The following ZBTB7C variants were observed in gnomAD, a reference collection of about 807,000 sequenced individuals.
The protein encoded by ZBTB7C is zinc finger and BTB domain containing 7C.
ZBTB7C carries 8 observed loss-of-function variants against 25.7 expected under a neutral mutation model. The observed-to-expected ratio is 0.31, with a 90% CI of 0.18 to 0.56. ZBTB7C has a LOEUF of 0.56. Among genes scored for constraint, ZBTB7C ranks in the 20% least tolerant of loss-of-function variants. ZBTB7C has a pLI of 0.91. For synonymous variants in ZBTB7C, 394 were observed against 369.0 expected (o/e 1.07, Z -0.78); for missense variants, 824 against 855.2 (o/e 0.96, Z 0.46).
intron 1 of ZBTB7C, among the ~76,000 whole-genome samples, chr18:48,401,762 C>A (rs2048164333): frequency 6.6e-6 from 1 of 152,168 alleles, no homozygotes; most frequent in South Asian, 2.1e-4. Flanking sequence ...AGGCTCCACC[C>A]ATGCCACCCT....
At chr18:48,090,909 T>C (rs2038386469) in intron 3 of ZBTB7C, among the ~76,000 whole-genome samples, 1 of 152,214 alleles carries the variant, frequency 6.6e-6, no homozygotes, top group Non-Finnish European at 1.5e-5. Flanking sequence ...GGTTATCTCT[T>C]TGTGCAGCTT....
chr18:48,059,292 T>TG (rs2037037786), intron 3 of ZBTB7C, among the ~76,000 whole-genome samples: 1 of 152,104 alleles, frequency 6.6e-6, no homozygotes. Flanking sequence ...TCATGGTTAC[T>TG]GGGGGTTGGG....
rs151221116 is a variant in ZBTB7C, at chr18:48,240,463, A to G, written c.-78-54468T>C. On this transcript the variant is annotated intron_variant, in intron 2 of 4. Transcript: ENST00000590800. The stretch of plus-strand genomic sequence containing the variant: ...GTGAGGCAAAAGCATCAGGTAACCT[A>G]TAAAAGAAAACCTATCAGACTAACT... Among the ~76,000 whole-genome samples, 1,519 of 152,340 alleles carry G rather than the reference A, an allele frequency of 1.0e-2. 24 individuals carry two copies. The highest frequency in any genetic ancestry group is 0.035 in the African/African-American group (1,448 of 41,582).
intron 1 of ZBTB7C, among the ~76,000 whole-genome samples, chr18:48,381,982 A>G (rs549267001): frequency 6.6e-6 from 1 of 152,376 alleles, no homozygotes; most frequent in African/African-American, 2.4e-5. Context: ...CTCCATAGGA[A>G]TGAAAGTCAT....
At chr18:48,309,355 C>A in intron 2 of ZBTB7C, among the ~76,000 whole-genome samples, 1 of 152,224 alleles carries the variant, frequency 6.6e-6, no homozygotes, top group East Asian at 1.9e-4. Flanking sequence ...GAATTACAAT[C>A]TTTTCTTTAA....
intron 2 of ZBTB7C, among the ~76,000 whole-genome samples, chr18:48,333,929 T>G (rs1305687613): frequency 6.6e-6 from 1 of 152,232 alleles, no homozygotes; most frequent in Non-Finnish European, 1.5e-5. Context: ...GACTTTGCCC[T>G]GATTCCAGTG....
At position 48,029,453 on chromosome 18, in the gene ZBTB7C, A is replaced by G. The variant is rs1211081884; in HGVS notation, c.1667T>C (p.Met556Thr). The part of the protein sequence containing the change: ...ELERQFEETQ[M>T]KLFGRAQLEA... ...CAGCTGCGCGCGCCCGAACAGCTTCATCTGTGTCTCCTCGAACTGCCGCTC... is the reference window on the plus strand; with the variant it reads ...CAGCTGCGCGCGCCCGAACAGCTTCGTCTGTGTCTCCTCGAACTGCCGCTC... Residue 556 changes from methionine to threonine, a missense_variant, in exon 5 of 5, where the codon ATG becomes ACG. By Grantham distance (81) the Met-to-Thr change is moderately conservative. Coordinates refer to ENST00000590800, the MANE Select transcript of ZBTB7C (RefSeq NM_001318841.2). 6.3e-7 allele frequency: 1 copy of G among 1,597,828 alleles called. No homozygotes were observed.
intron 2 of ZBTB7C, among the ~76,000 whole-genome samples, chr18:48,201,722 T>A (rs922184882): frequency 6.6e-6 from 1 of 151,964 alleles, no homozygotes; most frequent in Non-Finnish European, 1.5e-5. Flanking sequence ...GCCAGAAAAA[T>A]ACTATAATGA....
chr18:48,374,671 G>A (rs1324220976), intron 1 of ZBTB7C, among the ~76,000 whole-genome samples: 4 of 152,192 alleles, frequency 2.6e-5, no homozygotes, highest in Admixed American at 2.6e-4. Flanking sequence ...TCACCAGCCT[G>A]GTATTACTCT....
intron 2 of ZBTB7C, among the ~76,000 whole-genome samples, chr18:48,216,601 A>G (rs2042829468): frequency 1.3e-5 from 2 of 151,986 alleles, no homozygotes; most frequent in South Asian, 4.2e-4. Context: ...CTCCTCGCCA[A>G]TTTTCCAAGG....
At chr18:48,079,783 T>A (rs1192789318) in intron 3 of ZBTB7C, among the ~76,000 whole-genome samples, 2 of 152,236 alleles carry the variant, frequency 1.3e-5, no homozygotes, top group East Asian at 3.8e-4. Flanking sequence ...TGGGGTATGA[T>A]GTAGCCTCTA....
intron 1 of ZBTB7C, among the ~76,000 whole-genome samples, chr18:48,408,101 T>A (rs574193051): frequency 6.6e-6 from 1 of 152,214 alleles, no homozygotes; most frequent in Non-Finnish European, 1.5e-5. Flanking sequence ...GCCTTGCGCA[T>A]GGTCCAGCGA....
chr18:48,297,956 CA>C (rs1433180241), intron 2 of ZBTB7C, among the ~76,000 whole-genome samples: 1 of 152,128 alleles, frequency 6.6e-6, no homozygotes, highest in Non-Finnish European at 1.5e-5. Context: ...CTTGTCTGTG[CA>C]GTCACTGAGT....
chr18:48,338,949 C>T (rs76759561), intron 1 of ZBTB7C, among the ~76,000 whole-genome samples: 4,799 of 150,976 alleles, frequency 0.032, 99 homozygotes, highest in South Asian at 0.097. Flanking sequence ...CCACCTATGG[C>T]TGATGATGAA....
At chr18:48,131,364 A>G (rs1054644786) in intron 3 of ZBTB7C, among the ~76,000 whole-genome samples, 1 of 152,222 alleles carries the variant, frequency 6.6e-6, no homozygotes, top group Non-Finnish European at 1.5e-5. Context: ...ATAACTTCCA[A>G]GAAGCACTGG....
intron 3 of ZBTB7C, among the ~76,000 whole-genome samples, chr18:48,180,916 T>C (rs1203337896): frequency 6.6e-6 from 1 of 152,236 alleles, no homozygotes; most frequent in African/African-American, 2.4e-5. Flanking sequence ...ATTTTAAGTT[T>C]TCTAACCAGA....
intron 1 of ZBTB7C, among the ~76,000 whole-genome samples, chr18:48,358,929 A>G (rs2047039164): frequency 3.3e-5 from 5 of 152,126 alleles, no homozygotes; most frequent in Admixed American, 2.6e-4. Flanking sequence ...GCTGGTGTTG[A>G]TCACAGGTCC....
intron 1 of ZBTB7C, among the ~76,000 whole-genome samples, chr18:48,380,270 T>C (rs2047605478): frequency 6.6e-6 from 1 of 152,198 alleles, no homozygotes; most frequent in Non-Finnish European, 1.5e-5. Flanking sequence ...GATAGAGTTT[T>C]TTCCCATGAG....
chr18:48,354,562 G>T (rs1295830365), intron 1 of ZBTB7C, among the ~76,000 whole-genome samples: 1 of 152,094 alleles, frequency 6.6e-6, no homozygotes, highest in Non-Finnish European at 1.5e-5. Flanking sequence ...GCCTTAAGGG[G>T]CATCAAGGTA....
Sources: gnomAD v4.1 joint callset for allele counts (sites outside exome capture counted in the v4.1 genomes callset) on GRCh38, gnomAD v4.1.1 for gene constraint, MANE v1.5 for transcripts, NCBI Gene and HGNC (gene_info 2026-07-23, HGNC 2026-07-21) for gene names.